CDK14: variants seen among roughly 807,000 people sequenced by gnomAD.
The protein encoded by CDK14 is cyclin-dependent kinase 14.
A neutral mutation model predicts 60.7 loss-of-function variants in CDK14; 34 were observed. That is an observed-to-expected ratio of 0.56 (90% CI 0.43 to 0.75). The LOEUF is 0.75. Among genes scored for constraint, CDK14 ranks in the 30% least tolerant of loss-of-function variants. CDK14 has a pLI of 0.00. For missense variants in CDK14, 482 were observed against 564.1 expected (o/e 0.85, Z 1.47); for synonymous variants, 197 against 203.7 (o/e 0.97, Z 0.28).
At chr7:90,742,617 CT>C (rs1290212651) in intron 3 of CDK14, among the ~76,000 whole-genome samples, 4 of 151,832 alleles carry the variant, frequency 2.6e-5, no homozygotes, top group African/African-American at 9.7e-5. Context: ...TTTGTTGCTT[CT>C]TTTCTAGCTG....
intron 5 of CDK14, among the ~76,000 whole-genome samples, chr7:90,827,075 CT>C (rs1789751548): frequency 1.3e-5 from 2 of 151,922 alleles, no homozygotes; most frequent in South Asian, 4.2e-4. Flanking sequence ...CACCCCACCC[CT>C]GCTGCCTGTC....
intron 4 of CDK14, among the ~76,000 whole-genome samples, chr7:90,760,494 G>C (rs1005328497): frequency 1.3e-5 from 2 of 152,098 alleles, no homozygotes; most frequent in African/African-American, 4.8e-5. Context: ...GCCCACAAAT[G>C]GGAGCTTTCT....
At chr7:90,748,138 AAT>A (rs1171616114) in intron 4 of CDK14, among the ~76,000 whole-genome samples, 4 of 152,176 alleles carry the variant, frequency 2.6e-5, no homozygotes, top group African/African-American at 9.7e-5. Flanking sequence ...GACAATGCCA[AAT>A]ATATTGGCCA....
chr7:91,133,102 A>G (rs2116431554), intron 14 of CDK14, among the ~76,000 whole-genome samples: 1 of 152,296 alleles, frequency 6.6e-6, no homozygotes, highest in African/African-American at 2.4e-5. Flanking sequence ...GCGAGTTTCT[A>G]GGGATAAAAA....
intron 6 of CDK14, among the ~76,000 whole-genome samples, 160 bp from the exon 7 acceptor site, chr7:90,899,131 A>AG (rs918653408): frequency 3.3e-5 from 5 of 151,988 alleles, no homozygotes; most frequent in Admixed American, 6.6e-5. Context: ...GTTTAAAATT[A>AG]GGGGGTGGGG....
intron 10 of CDK14, among the ~76,000 whole-genome samples, chr7:91,038,957 GGTAT>G (rs1161694670): frequency 1.3e-5 from 2 of 152,052 alleles, no homozygotes; most frequent in Non-Finnish European, 2.9e-5. Context: ...TCCAGTCTTG[GGTAT>G]GTATTTATTA....
At chr7:91,073,067 G>A (rs775530188) in intron 11 of CDK14, among the ~76,000 whole-genome samples, 166 of 152,270 alleles carry the variant, frequency 1.1e-3, no homozygotes, top group Non-Finnish European at 2.9e-4. Context: ...AAGAGACAGG[G>A]AGAATGGAAC....
At chr7:90,959,053 G>T (rs1003211534) in intron 9 of CDK14, among the ~76,000 whole-genome samples, 25 of 151,982 alleles carry the variant, frequency 1.6e-4, no homozygotes, top group African/African-American at 6.0e-4. Flanking sequence ...TTTCTTCCTC[G>T]TGTGTGTGTG....
chr7:91,098,566 ACATCT>A (rs1444691257), intron 12 of CDK14, among the ~76,000 whole-genome samples: 7 of 152,118 alleles, frequency 4.6e-5, no homozygotes, highest in African/African-American at 1.7e-4. Flanking sequence ...AGATGAGGAA[ACATCT>A]CTTCTATATC....
At chr7:90,766,843 G>C (rs910353884) in intron 4 of CDK14, among the ~76,000 whole-genome samples, 2 of 152,212 alleles carry the variant, frequency 1.3e-5, no homozygotes, top group African/African-American at 4.8e-5. Flanking sequence ...CTTTATCTTG[G>C]TTGTCTGCTC....
At chr7:90,670,566 T>C (rs1801075724) in intron 2 of CDK14, among the ~76,000 whole-genome samples, 1 of 152,170 alleles carries the variant, frequency 6.6e-6, no homozygotes, top group Non-Finnish European at 1.5e-5. Context: ...CCTTGGCTTC[T>C]GGGGAGGCCT....
chr7:90,914,374 A>C (rs1028366428), intron 7 of CDK14, among the ~76,000 whole-genome samples: 6 of 152,200 alleles, frequency 3.9e-5, no homozygotes, highest in Non-Finnish European at 8.8e-5. Context: ...TTGCTGTTAA[A>C]ATACAGACCT....
At chr7:91,006,565 ATCTTG>A (rs536788780) in intron 10 of CDK14, among the ~76,000 whole-genome samples, 124 of 152,276 alleles carry the variant, frequency 8.1e-4, no homozygotes, top group African/African-American at 2.9e-3. Context: ...AATTTATTTG[ATCTTG>A]TCTTTGTGAT....
rs1443059759 is a variant in CDK14, at chr7:91,050,914, G to T, written c.1105+4954G>T. Among the ~76,000 whole-genome samples, 4 of 152,266 alleles carry T rather than the reference G, an allele frequency of 2.6e-5. No homozygotes were observed. In the East Asian group the frequency reaches 7.7e-4, roughly 29 times the overall value. On this transcript the variant is annotated intron_variant, in intron 11 of 14. Coordinates refer to ENST00000380050, the MANE Select transcript of CDK14 (RefSeq NM_001287135.2). ...GAAAGTAGATCCCATGTCTCCGTGGGTCTTAGTTGAGTGTGCTTTTGCTTT... is the reference window on the plus strand; with the variant it reads ...GAAAGTAGATCCCATGTCTCCGTGGTTCTTAGTTGAGTGTGCTTTTGCTTT...
intron 3 of CDK14, among the ~76,000 whole-genome samples, chr7:90,733,089 C>T (rs573492798): frequency 3.3e-5 from 5 of 152,164 alleles, no homozygotes; most frequent in Non-Finnish European, 5.9e-5. Flanking sequence ...GCCTTAATTT[C>T]GTTATTTACC....
intron 14 of CDK14, among the ~76,000 whole-genome samples, chr7:91,154,249 A>T (rs765222359): frequency 6.6e-6 from 1 of 151,356 alleles, no homozygotes; most frequent in East Asian, 1.9e-4. Flanking sequence ...TAAATCTTGA[A>T]TATTTCCCCA....
At chr7:90,598,301 A>G (rs1799238490) in intron 1 of CDK14, among the ~76,000 whole-genome samples, 1 of 152,248 alleles carries the variant, frequency 6.6e-6, no homozygotes, top group Non-Finnish European at 1.5e-5. Flanking sequence ...ATCGACAATC[A>G]GTAAAATTTG....
chr7:90,682,980 A>G (rs1801351697), intron 2 of CDK14, among the ~76,000 whole-genome samples: 1 of 152,098 alleles, frequency 6.6e-6, no homozygotes, highest in African/African-American at 2.4e-5. Context: ...TTTTGATGCT[A>G]ATTTTGATCA....
At chr7:91,160,424 T>C (rs1801132623) in intron 14 of CDK14, among the ~76,000 whole-genome samples, 1 of 152,166 alleles carries the variant, frequency 6.6e-6, no homozygotes, top group African/African-American at 2.4e-5. Flanking sequence ...CCTACCAGTT[T>C]TACCCAGACT....
Sources: gnomAD v4.1 joint callset for allele counts (sites outside exome capture counted in the v4.1 genomes callset) on GRCh38, gnomAD v4.1.1 for gene constraint, MANE v1.5 for transcripts, NCBI Gene and HGNC (gene_info 2026-07-23, HGNC 2026-07-21) for gene names.